The following CD8B2 variants were observed in gnomAD, a reference collection of about 807,000 sequenced individuals.
CD8B2 encodes T-cell surface glycoprotein CD8 beta-2 chain.
A neutral mutation model predicts 23.7 loss-of-function variants in CD8B2; 11 were observed. The observed-to-expected ratio is 0.46, with a 90% confidence interval of 0.29 to 0.77. The LOEUF (loss-of-function observed/expected upper bound fraction) is 0.77. CD8B2 is among the 30% of genes least tolerant of loss of function. The pLI is 0.09. For missense variants in CD8B2, 197 were observed against 270.5 expected, an observed-to-expected ratio of 0.73 and a Z score of 1.91; for synonymous variants, 90 against 109.3, an observed-to-expected ratio of 0.82 and a Z score of 1.10.
At position 106,519,891 on chromosome 2, in the gene CD8B2, G is replaced by A. The variant is rs547125665; in HGVS notation, c.620+15566G>A. On this transcript the variant is annotated intron_variant, in intron 5 of 5. Coordinates refer to the CD8B2 transcript ENST00000416057. ...GCCACATGGAGCCCGTGGGCCACAG[G>A]TTGGACAAGCTTGGTCTAAGACATA... Among the ~76,000 whole-genome samples the A allele has an allele frequency of 2.9e-3, 449 of 152,334 alleles. 4 individuals are homozygous for A. The highest frequency in any genetic ancestry group is 0.01 in the African/African-American group (429 of 41,572).
intron 5 of CD8B2, chr2:106,535,214 C>T (rs915440555): frequency 2.6e-5 from 4 of 152,202 alleles, no homozygotes; most frequent in African/African-American, 9.7e-5. Context: ...GTGTTACTCA[C>T]AGTCCCAGAT....
chr2:106,508,726 T>A lies in CD8B2; in HGVS notation c.*1786T>A, dbSNP rs1679561460. On this transcript the variant is annotated 3_prime_UTR_variant, in exon 6 of 6. Coordinates refer to ENST00000643224, the MANE Select transcript of CD8B2 (RefSeq NM_001349727.2). ...CTGGGTGAAGGATTTGGTCCATGGC[T>A]AATGAAAGGCTGAGGTGAATTGACG... 6.6e-6 allele frequency: 1 copy of A among 152,178 alleles called. No individual in the cohort carries two copies. The highest frequency in any genetic ancestry group is 2.4e-5 in the African/African-American group (1 of 41,454). 9.4% of individuals were successfully genotyped at this position (152,178 alleles called of 1,614,324 possible). A position where few individuals can be genotyped will look rare whatever the true frequency, so the allele number is the denominator to read the frequency against.
At position 106,509,709 on chromosome 2, in the gene CD8B2, C is replaced by G. The variant is rs972232476; in HGVS notation, c.*2769C>G. ...GGGGGCTGCAGTGAGAAGGTCTGCA[C>G]CCAGCACCTGACCTTTGTTTGAAGA... On this transcript the variant is annotated 3_prime_UTR_variant, in exon 6 of 6. Coordinates refer to ENST00000643224, the MANE Select transcript of CD8B2 (RefSeq NM_001349727.2). 2 of 152,170 alleles carry G rather than the reference C, an allele frequency of 1.3e-5. No homozygotes were observed. The highest frequency in any genetic ancestry group is 3.9e-4 in the East Asian group (2 of 5,182). The allele number at this position is 152,170 out of a possible 1,614,324, so 9.4% of individuals were successfully genotyped here.
intron 3 of CD8B2, among the ~76,000 whole-genome samples, chr2:106,501,222 G>A (rs1679398238): frequency 6.6e-6 from 1 of 152,002 alleles, no homozygotes; most frequent in Non-Finnish European, 1.5e-5. Flanking sequence ...ACAATCAAAA[G>A]GCCCACTGAT....
In CD8B2 at chr2:106,502,484, T is replaced by A; in HGVS notation, c.504T>A (p.Cys168Ter). 8.3e-6 allele frequency: 13 copies of A among 1,572,704 alleles called. No homozygotes were observed. The highest frequency in any genetic ancestry group is 1.0e-5 in the Non-Finnish European group (12 of 1,156,642). The change falls in exon 4 of 6, where the codon TGT (cysteine) becomes TGA (stop). Residue 168 changes from cysteine to a stop codon, truncating the protein, a stop_gained. Transcript: ENST00000643224. LOFTEE classifies it high-confidence loss of function. ...PRPETQKGPLCSPVTLGLLVA... is the reference protein window; with the variant it reads ...PRPETQKGPL ...ATGTGTGTTTTCCAGGCCCACTTTG[T>A]AGCCCCGTCACCCTTGGCCTGCTGG...
intron 5 of CD8B2, among the ~76,000 whole-genome samples, chr2:106,524,243 A>G (rs1342746381): frequency 1.3e-5 from 2 of 152,166 alleles, no homozygotes; most frequent in Non-Finnish European, 2.9e-5. Flanking sequence ...GTTGTGGGTC[A>G]GAGTTCTATT....
intron 1 of CD8B2, 85 bp from the exon 2 acceptor site, chr2:106,490,789 T>G (rs925008615): frequency 9.8e-6 from 15 of 1,527,750 alleles, no homozygotes; most frequent in African/African-American, 1.4e-5. Flanking sequence ...TGGCTTTTCC[T>G]TTGACACTTG....
At chr2:106,531,051 T>G (rs1331106827) in intron 5 of CD8B2, among the ~76,000 whole-genome samples, 2 of 152,216 alleles carry the variant, frequency 1.3e-5, no homozygotes, top group Non-Finnish European at 2.9e-5. Flanking sequence ...ATTCCTTTAC[T>G]TCCTTAATAA....
intron 5 of CD8B2, among the ~76,000 whole-genome samples, chr2:106,521,313 G>GATGA (rs1311700577): frequency 5.3e-5 from 8 of 152,178 alleles, no homozygotes; most frequent in Admixed American, 5.2e-4. Flanking sequence ...GAGAAGGGAA[G>GATGA]ATGAAGCCAC....
chr2:106,511,585 G>A (rs1679632424), downstream of CD8B2, among the ~76,000 whole-genome samples: 1 of 151,832 alleles, frequency 6.6e-6, no homozygotes, highest in East Asian at 1.9e-4. Context: ...CGCAGCTTGT[G>A]TCTCTACCTG....
chr2:106,496,649 G>C (rs953645770), intron 3 of CD8B2, among the ~76,000 whole-genome samples: 2 of 151,940 alleles, frequency 1.3e-5, no homozygotes, highest in African/African-American at 4.8e-5. Context: ...AAAATGAAAG[G>C]AGCCAGTCAC....
rs186988904 is a variant in CD8B2, at chr2:106,525,639, C to T, written c.621-18353C>T. ...AACAGTTTACTTTCCATCCCCTCCTCTCCCCTGTCCCTAGCAACCACTAAT... is the reference window on the plus strand; with the variant it reads ...AACAGTTTACTTTCCATCCCCTCCTTTCCCCTGTCCCTAGCAACCACTAAT... On this transcript the variant is annotated intron_variant, in intron 5 of 5. Coordinates refer to the CD8B2 transcript ENST00000416057. Among the ~76,000 whole-genome samples, 11 of 152,328 alleles carry T rather than the reference C, an allele frequency of 7.2e-5. No homozygotes were observed. The East Asian group carries it at 1.9e-3, about 27-fold the overall frequency.
intron 5 of CD8B2, among the ~76,000 whole-genome samples, chr2:106,526,435 A>G (rs1164104053): frequency 3.3e-5 from 5 of 151,754 alleles, no homozygotes; most frequent in Non-Finnish European, 7.4e-5. Flanking sequence ...CATGCCTGCC[A>G]CCCCCTCTTC....
chr2:106,499,788 T>C (rs1395167166), intron 3 of CD8B2, among the ~76,000 whole-genome samples: 2 of 147,922 alleles, frequency 1.4e-5, no homozygotes, highest in Non-Finnish European at 3.0e-5. Flanking sequence ...GGGCATCTCA[T>C]AGAAGTGGAA....
intron 5 of CD8B2, among the ~76,000 whole-genome samples, chr2:106,526,428 G>T (rs1033347354): frequency 3.3e-5 from 5 of 152,070 alleles, no homozygotes; most frequent in African/African-American, 1.2e-4. Flanking sequence ...CCCCTGACAT[G>T]CCTGCCACCC....
At chr2:106,495,064 A>G (rs1283224086) in intron 2 of CD8B2, among the ~76,000 whole-genome samples, 1 of 152,106 alleles carries the variant, frequency 6.6e-6, no homozygotes, top group Non-Finnish European at 1.5e-5. Flanking sequence ...CCTGGGGCTC[A>G]AGGTCTTCAG....
downstream of CD8B2, among the ~76,000 whole-genome samples, chr2:106,514,231 T>C (rs373893608): frequency 2.3e-4 from 35 of 151,012 alleles, 1 homozygote; most frequent in Middle Eastern, 3.4e-3. Flanking sequence ...TGCGCCTGTG[T>C]GTGCTTCTGT....
At chr2:106,544,007 A>G (rs954791616) in exon 6 of CD8B2, 11 of 398,494 alleles carry the variant, frequency 2.8e-5, no homozygotes, top group Non-Finnish European at 4.4e-5. Flanking sequence ...GATCTTGTGA[A>G]CTGTTTTCAC....
At chr2:106,499,639 G>C (rs1679363957) in intron 3 of CD8B2, among the ~76,000 whole-genome samples, 1 of 151,940 alleles carries the variant, frequency 6.6e-6, no homozygotes, top group Non-Finnish European at 1.5e-5. Flanking sequence ...TACCAAGTTG[G>C]GCGACCGTTA....
Sources: gnomAD v4.1 joint callset for allele counts (sites outside exome capture counted in the v4.1 genomes callset) on GRCh38, gnomAD v4.1.1 for gene constraint, MANE v1.5 for transcripts, NCBI Gene and HGNC (gene_info 2026-07-23, HGNC 2026-07-21) for gene names.